Variants in CDC37L1 observed in about 807,000 individuals in gnomAD.
The protein encoded by CDC37L1 is cell division cycle 37 like 1, HSP90 cochaperone.
In CDC37L1, 32 loss-of-function variants were observed where a neutral mutation model predicts 45.9. That is an observed-to-expected ratio of 0.70 (90% CI 0.53 to 0.94). The LOEUF (loss-of-function observed/expected upper bound fraction) is 0.94, where lower values mean the gene tolerates loss of function less well. Among genes scored for constraint, CDC37L1 ranks in the 40% least tolerant of loss-of-function variants. The pLI is 0.00. For missense variants in CDC37L1, 434 were observed against 405.7 expected, an observed-to-expected ratio of 1.07 and a Z score of -0.60; for synonymous variants, 150 against 133.0, an observed-to-expected ratio of 1.13 and a Z score of -0.88.
intron 5 of CDC37L1, among the ~76,000 whole-genome samples, chr9:4,700,517 G>A (rs529127888): frequency 1.8e-4 from 28 of 152,174 alleles, no homozygotes; most frequent in Non-Finnish European, 3.5e-4. Context: ...TACATTAATG[G>A]ATGTGTTTAA....
At chr9:4,693,848 T>G (rs1185776584) in intron 3 of CDC37L1, among the ~76,000 whole-genome samples, 1 of 152,172 alleles carries the variant, frequency 6.6e-6, no homozygotes, top group Non-Finnish European at 1.5e-5. Context: ...AAATCCTGAG[T>G]TAGGTACTAT....
In CDC37L1 at chr9:4,688,558, A is replaced by G; in HGVS notation, c.460A>G (p.Lys154Glu). The change falls in exon 3 of 7, where the codon AAA becomes GAA. Residue 154 changes from lysine to glutamate, a missense_variant. Physicochemically the swap from Lys to Glu is moderately conservative, Grantham distance 56. Coordinates refer to ENST00000381854, the MANE Select transcript of CDC37L1 (RefSeq NM_017913.4). ...DKRKDTEDED[K>E]SESFMQKYEQ... ...AAGAAAAGACACAGAAGATGAAGATAAATCAGAATCATTTATGCAAAAATA... is the reference window on the plus strand; with the variant it reads ...AAGAAAAGACACAGAAGATGAAGATGAATCAGAATCATTTATGCAAAAATA... 1 of 1,531,774 alleles carries G rather than the reference A, an allele frequency of 6.5e-7. No homozygotes were observed. The highest frequency in any genetic ancestry group is 8.8e-7 in the Non-Finnish European group (1 of 1,137,258). The allele number at this position is 1,531,774 out of a possible 1,614,324, so 94.9% of individuals were successfully genotyped here. A position where few individuals can be genotyped will look rare whatever the true frequency, so the allele number is the denominator to read the frequency against.
intron 4 of CDC37L1, among the ~76,000 whole-genome samples, 192 bp from the exon 5 acceptor site, chr9:4,697,565 C>T (rs1190430611): frequency 6.6e-6 from 1 of 151,580 alleles, no homozygotes; most frequent in African/African-American, 2.4e-5. Flanking sequence ...CATGGTCTTC[C>T]TTTAGTTATT....
At chr9:4,692,184 A>G (rs1272773316) in intron 3 of CDC37L1, among the ~76,000 whole-genome samples, 4 of 149,494 alleles carry the variant, frequency 2.7e-5, no homozygotes, top group South Asian at 2.3e-4. Context: ...TTTAAAAAAC[A>G]TATCAATATC....
In CDC37L1 at chr9:4,701,933, T is replaced by G. The variant is rs576697947; in HGVS notation, c.817T>G (p.Tyr273Asp). The change falls in exon 6 of 7, where the codon TAT becomes GAT. Residue 273 changes from tyrosine (Y) to aspartate (D), a missense_variant. Tyr to Asp is a radical substitution (Grantham distance 160). Coordinates refer to ENST00000381854, the MANE Select transcript of CDC37L1 (RefSeq NM_017913.4). The part of the protein sequence containing the change: ...LEAFKSRVRL[Y>D]SQSQSFQPMT... Reference sequence around the variant, plus strand: ...AGCTTTCAAGTCAAGAGTAAGACTTTATTCTCAATCACAAAGTTTTCAACC... The same window carrying G: ...AGCTTTCAAGTCAAGAGTAAGACTTGATTCTCAATCACAAAGTTTTCAACC... 1.3e-6 allele frequency: 2 copies of G among 1,598,642 alleles called. No individual in the cohort carries two copies. Among genetic ancestry groups the G allele is most frequent in the African/African-American group, 2.7e-5 (2 of 74,002 alleles).
intron 3 of CDC37L1, 132 bp downstream of exon 3, chr9:4,688,738 G>A: frequency 3.8e-6 from 2 of 527,854 alleles, no homozygotes; most frequent in East Asian, 4.0e-5. Flanking sequence ...TGGCACAGCT[G>A]TATAGATCTT....
intron 3 of CDC37L1, 67 bp downstream of exon 3, chr9:4,688,673 G>C: frequency 9.6e-7 from 1 of 1,038,994 alleles, no homozygotes; most frequent in African/African-American, 1.7e-5. Flanking sequence ...GCAAAAAATG[G>C]ATTTATAAAA....
Position 4,688,499 on chromosome 9 carries a change from A to C in CDC37L1, c.415-14A>C. On this transcript the variant is annotated splice_polypyrimidine_tract_variant and intron_variant, in intron 2 of 6. Coordinates refer to ENST00000381854, the MANE Select transcript of CDC37L1 (RefSeq NM_017913.4). ...ATTTAAAATCTGATTTAAATTTCTA[A>C]AATTTTTTCTTAGAGTTTTATTAAT... The C allele has an allele frequency of 7.6e-7, 1 of 1,319,626 alleles. No homozygotes were observed. The highest frequency in any genetic ancestry group is 1.0e-6 in the Non-Finnish European group (1 of 966,988). The allele number at this position is 1,319,626 out of a possible 1,614,324, so 81.7% of individuals were successfully genotyped here. A position where few individuals can be genotyped will look rare whatever the true frequency, so the allele number is the denominator to read the frequency against.
intron 3 of CDC37L1, among the ~76,000 whole-genome samples, chr9:4,689,103 A>AG (rs1841277907): frequency 1.3e-5 from 2 of 152,218 alleles, no homozygotes; most frequent in Middle Eastern, 3.4e-3. Flanking sequence ...AAAGGGTAAG[A>AG]GGGGGGTTGA....
chr9:4,687,678 CAAAAAAAAAAA>C (rs59932144), intron 2 of CDC37L1, among the ~76,000 whole-genome samples: 1 of 58,408 alleles, frequency 1.7e-5, no homozygotes, highest in African/African-American at 5.1e-5. Context: ...GACCCCATCT[CAAAAAAAAAAA>C]AAAAAAAAAA....
In CDC37L1 at chr9:4,694,782, A is replaced by T. The variant is rs371481076; in HGVS notation, c.509-2314A>T. ...GCTTCCAGGAGGCTGAGGCAGGAGA[A>T]TTACTTGAACCCAGGAGGTGGAGGT... is the stretch of plus-strand genomic sequence containing the variant. On this transcript the variant is annotated intron_variant, in intron 3 of 6. Coordinates refer to ENST00000381854, the MANE Select transcript of CDC37L1 (RefSeq NM_017913.4). 6.6e-5 allele frequency among the ~76,000 whole-genome samples: 10 copies of T among 152,280 alleles called. No individual in the cohort carries two copies. The East Asian group carries it at 1.5e-3, about 24-fold the overall frequency.
Position 4,679,657 on chromosome 9 carries a change from G to A in CDC37L1, c.-111G>A. 1.9e-6 allele frequency: 2 copies of A among 1,035,396 alleles called. No homozygotes were observed. Among genetic ancestry groups the A allele is most frequent in the Non-Finnish European group, 2.7e-6 (2 of 733,040 alleles). 64.1% of individuals were successfully genotyped at this position (1,035,396 alleles called of 1,614,324 possible). On this transcript the variant is annotated 5_prime_UTR_variant, in exon 1 of 7. Transcript: ENST00000381854. ...GTAGAGGGATTCTGGGTAACGGCCCGGACCCCCGGCTGGGCTTCTGGCTCG... is the reference window on the plus strand; with the variant it reads ...GTAGAGGGATTCTGGGTAACGGCCCAGACCCCCGGCTGGGCTTCTGGCTCG...
chr9:4,686,509 T>TG lies in CDC37L1; in HGVS notation c.414+1351_414+1352insG, dbSNP rs933609910. Among the ~76,000 whole-genome samples the TG allele has an allele frequency of 7.9e-5, 12 of 152,364 alleles. No homozygotes were observed. The East Asian group carries it at 2.3e-3, about 29-fold the overall frequency. On this transcript the variant is annotated intron_variant, in intron 2 of 6. Coordinates refer to ENST00000381854, the MANE Select transcript of CDC37L1 (RefSeq NM_017913.4). ...CCAAAACTATTGAAAATAATTTTTT[T>TG]TCTTCCAGAAGGAATGTTCAAAGTA...
rs961836517 is a variant in CDC37L1 at position 4,706,524 on chromosome 9, A to G, written c.*412A>G. ...TACAAAAATGATTAAAGATAAAAAC[A>G]TACTTGTATCCCACTGCTACTTTAG... On this transcript the variant is annotated 3_prime_UTR_variant, in exon 7 of 7. Transcript: ENST00000381854. 6.5e-6 allele frequency: 1 copy of G among 153,268 alleles called. No individual in the cohort carries two copies. The highest frequency in any genetic ancestry group is 2.4e-5 in the African/African-American group (1 of 41,494). 9.5% of individuals were successfully genotyped at this position (153,268 alleles called of 1,614,324 possible).
intron 2 of CDC37L1, among the ~76,000 whole-genome samples, chr9:4,686,174 C>T (rs1018377860): frequency 6.6e-6 from 1 of 152,152 alleles, no homozygotes; most frequent in African/African-American, 2.4e-5. Flanking sequence ...TCTCAAACTT[C>T]TTAATTGTCC....
intron 3 of CDC37L1, among the ~76,000 whole-genome samples, chr9:4,691,754 A>G (rs997206772): frequency 1.3e-5 from 2 of 152,134 alleles, no homozygotes; most frequent in Non-Finnish European, 2.9e-5. Context: ...CCTAGTGGTA[A>G]ATGGTACAAT....
intron 2 of CDC37L1, 193 bp downstream of exon 2, chr9:4,685,351 G>C (rs1279808426): frequency 2.0e-6 from 1 of 505,288 alleles, no homozygotes; most frequent in Non-Finnish European, 3.6e-6. Flanking sequence ...GCAGACTCCA[G>C]GCAGTTAAGT....
intron 1 of CDC37L1, among the ~76,000 whole-genome samples, chr9:4,683,376 C>T (rs1213949675): frequency 2.6e-5 from 4 of 151,878 alleles, no homozygotes; most frequent in African/African-American, 9.7e-5. Context: ...ACAAACACCA[C>T]AACAGAAATA....
chr9:4,684,306 C>T (rs983623311), intron 1 of CDC37L1, among the ~76,000 whole-genome samples: 4 of 151,860 alleles, frequency 2.6e-5, no homozygotes, highest in Non-Finnish European at 1.5e-5. Context: ...ATATAATTTG[C>T]CTATTTTGAT....
Sources: gnomAD v4.1 joint callset for allele counts (sites outside exome capture counted in the v4.1 genomes callset) on GRCh38, gnomAD v4.1.1 for gene constraint, MANE v1.5 for transcripts, NCBI Gene and HGNC (gene_info 2026-07-23, HGNC 2026-07-21) for gene names.